NAV3: variants seen among roughly 807,000 people sequenced by gnomAD.
NAV3 encodes pore membrane and/or filament interacting like protein 1.
NAV3 carries 87 observed loss-of-function variants against 244.7 expected under a neutral mutation model. That is an observed-to-expected ratio of 0.36 (90% CI 0.30 to 0.42). The LOEUF is 0.42. Among genes scored for constraint, NAV3 ranks in the 20% least tolerant of loss-of-function variants. The pLI is 1.00. For missense variants in NAV3, 2,663 were observed against 2,893.3 expected (o/e 0.92, Z 1.83); for synonymous variants, 1,126 against 1,042.2 (o/e 1.08, Z -1.55).
Position 78,025,479 on chromosome 12 carries a change from C to A in NAV3, c.2023+3617C>A, listed in dbSNP as rs184801901. ...GCTGCGGTGGCAGACACCTGTAGTC[C>A]CAGATACTTGGGAGGCTGAGGCAGG... On this transcript the variant is annotated intron_variant, in intron 9 of 39. Coordinates refer to ENST00000397909, the MANE Select transcript of NAV3 (RefSeq NM_001024383.2). Among the ~76,000 whole-genome samples the A allele has an allele frequency of 2.7e-4, 40 of 150,676 alleles. No homozygotes were observed. In the East Asian group the frequency reaches 7.7e-3, roughly 29 times the overall value.
At chr12:77,837,176 C>T (rs79707859) in intron 1 of NAV3, among the ~76,000 whole-genome samples, 2,355 of 151,152 alleles carry the variant, frequency 0.016, 26 homozygotes, top group Non-Finnish European at 0.021. Flanking sequence ...GCAGATAGGA[C>T]TCAGATATAT....
chr12:78,039,458 A>G (rs972723872), intron 9 of NAV3, among the ~76,000 whole-genome samples: 7 of 152,140 alleles, frequency 4.6e-5, no homozygotes, highest in Non-Finnish European at 1.0e-4. Flanking sequence ...CCAAAGTGTC[A>G]AGATTAACCA....
rs190219795 is a variant in NAV3 at position 77,787,883 on chromosome 12, A to T, written c.73-152436A>T. ...CAAAATTATTCACAGACTTATGACAATTATTAGGTCTAGATTTAAATGGCA... is the reference window on the plus strand; with the variant it reads ...CAAAATTATTCACAGACTTATGACATTTATTAGGTCTAGATTTAAATGGCA... On this transcript the variant is annotated intron_variant, in intron 2 of 8. Coordinates refer to the NAV3 transcript ENST00000550042. Among the ~76,000 whole-genome samples the T allele has an allele frequency of 2.8e-3, 424 of 152,376 alleles. 5 individuals are homozygous for T. Among genetic ancestry groups the T allele is most frequent in the African/African-American group, 9.5e-3 (395 of 41,596 alleles).
intron 1 of NAV3, among the ~76,000 whole-genome samples, chr12:77,835,795 A>C (rs948257274): frequency 6.6e-6 from 1 of 152,134 alleles, no homozygotes; most frequent in South Asian, 2.1e-4. Context: ...TTTGCTTCTC[A>C]TATCTTATAA....
intron 1 of NAV3, among the ~76,000 whole-genome samples, chr12:77,876,590 G>A (rs568833287): frequency 6.6e-6 from 1 of 152,146 alleles, no homozygotes; most frequent in South Asian, 2.1e-4. Context: ...GATGTAAAGA[G>A]GAAGGTGCTT....
At chr12:78,061,576 A>T (rs543808098) in intron 12 of NAV3, among the ~76,000 whole-genome samples, 15 of 152,162 alleles carry the variant, frequency 9.9e-5, no homozygotes, top group East Asian at 3.9e-4. Context: ...GAAGGTTTTT[A>T]AAAAAATTAC....
At chr12:78,042,933 AG>A (rs1019054817) in intron 9 of NAV3, among the ~76,000 whole-genome samples, 106 of 143,480 alleles carry the variant, frequency 7.4e-4, no homozygotes, top group African/African-American at 2.8e-3. Context: ...TAATGATCAT[AG>A]TTTTTTTTTT....
intron 2 of NAV3, among the ~76,000 whole-genome samples, chr12:77,658,216 C>T (rs1355273905): frequency 6.6e-6 from 1 of 152,076 alleles, no homozygotes; most frequent in Admixed American, 6.6e-5. Context: ...ACCCCATTGT[C>T]TCAGCCCAAA....
chr12:77,777,407 C>A (rs1183700922), intron 2 of NAV3, among the ~76,000 whole-genome samples: 1 of 152,096 alleles, frequency 6.6e-6, no homozygotes, highest in African/African-American at 2.4e-5. Context: ...ATGGAGTAGG[C>A]ATTGTGACAT....
At chr12:77,848,152 A>G (rs75839372) in intron 1 of NAV3, among the ~76,000 whole-genome samples, 1,759 of 152,324 alleles carry the variant, frequency 0.012, 28 homozygotes, top group African/African-American at 0.04. Context: ...TTCAGAGCAC[A>G]TTCTTTAGCC....
intron 5 of NAV3, among the ~76,000 whole-genome samples, chr12:77,971,880 A>T (rs569386788): frequency 2.0e-5 from 3 of 152,276 alleles, no homozygotes; most frequent in Admixed American, 1.3e-4. Flanking sequence ...CTCTTTGTTT[A>T]AAGTAAATTG....
chr12:77,917,267 A>G (rs1423766350), intron 1 of NAV3, among the ~76,000 whole-genome samples: 1 of 151,948 alleles, frequency 6.6e-6, no homozygotes, highest in Non-Finnish European at 1.5e-5. Context: ...TTAATTATCA[A>G]ATTTACCCAA....
intron 2 of NAV3, among the ~76,000 whole-genome samples, chr12:77,708,967 C>T (rs1875969675): frequency 6.6e-6 from 1 of 152,092 alleles, no homozygotes. Context: ...GGGGCTGAGA[C>T]GATGGGGTTT....
intron 1 of NAV3, among the ~76,000 whole-genome samples, chr12:77,865,798 CGTGTGT>C (rs35804861): frequency 6.7e-6 from 1 of 149,154 alleles, no homozygotes; most frequent in Non-Finnish European, 1.5e-5. Flanking sequence ...CGTATATATG[CGTGTGT>C]GTGTGTGTGT....
intron 2 of NAV3, among the ~76,000 whole-genome samples, chr12:77,593,510 C>T (rs899365217): frequency 1.9e-4 from 28 of 150,972 alleles, no homozygotes; most frequent in Non-Finnish European, 3.7e-4. Context: ...AGTGCAGTGG[C>T]GCGATCTCGG....
rs192482124 is a variant in NAV3, at chr12:77,686,387, C to T, written c.72+114121C>T. 2.0e-3 allele frequency among the ~76,000 whole-genome samples: 298 copies of T among 151,270 alleles called. 4 individuals are homozygous for T. Among genetic ancestry groups the T allele is most frequent in the South Asian group, 2.7e-3 (13 of 4,778 alleles). On this transcript the variant is annotated intron_variant, in intron 2 of 8. Coordinates refer to the NAV3 transcript ENST00000550042. ...GGATTACAGACGTGAGCCACCGTGC[C>T]CCACCGGATTTTTTCTTTTCTTTTC...
intron 2 of NAV3, among the ~76,000 whole-genome samples, chr12:77,612,379 A>G (rs1419466850): frequency 1.3e-5 from 2 of 152,188 alleles, no homozygotes; most frequent in Non-Finnish European, 2.9e-5. Flanking sequence ...ATTTCCAGGC[A>G]GAGGTACTTG....
At chr12:78,178,008 GTTT>G (rs3054760) in intron 28 of NAV3, among the ~76,000 whole-genome samples, 7 of 149,530 alleles carry the variant, frequency 4.7e-5, no homozygotes, top group Admixed American at 6.7e-5. Context: ...TGTATATTAT[GTTT>G]TTTTTTTCTA....
chr12:77,939,830 TTG>T (rs1261713630), intron 1 of NAV3, among the ~76,000 whole-genome samples: 1 of 152,170 alleles, frequency 6.6e-6, no homozygotes, highest in Non-Finnish European at 1.5e-5. Flanking sequence ...AGGAAGGTAT[TTG>T]TAATTATCTC....
Sources: allele counts gnomAD v4.1 joint callset (sites outside exome capture counted in the v4.1 genomes callset), GRCh38; gene constraint gnomAD v4.1.1; transcripts MANE v1.5; gene names NCBI Gene and HGNC (gene_info 2026-07-23, HGNC 2026-07-21).